Variants in GPR15 observed in about 807,000 individuals in gnomAD.
The protein encoded by GPR15 is brother of Bonzo.
In GPR15, 16 loss-of-function variants were observed where a neutral mutation model predicts 19.3. The observed-to-expected ratio is 0.83, with a 90% CI of 0.56 to 1.26. The LOEUF (loss-of-function observed/expected upper bound fraction) is 1.26. GPR15 is among the 50% of genes most tolerant of loss of function. The pLI is 0.00. For missense variants in GPR15, 458 were observed against 429.4 expected, an observed-to-expected ratio of 1.07 and a Z score of -0.59; for synonymous variants, 170 against 171.2, an observed-to-expected ratio of 0.99 and a Z score of 0.05.
Position 98,534,389 on chromosome 3 carries a change from T to C in GPR15, c.*1273T>C, listed in dbSNP as rs1415044498. On this transcript the variant is annotated 3_prime_UTR_variant, in exon 1 of 1. Coordinates refer to ENST00000284311, the MANE Select transcript of GPR15 (RefSeq NM_005290.4). ...AGCAAGCATGCTATTGTAAACATCT[T>C]TTGATTCAAGGGAAAGCGGGTTATG... 6.6e-6 allele frequency among the ~76,000 whole-genome samples: 1 copy of C among 152,234 alleles called. No homozygotes were observed. The highest frequency in any genetic ancestry group is 1.5e-5 in the Non-Finnish European group (1 of 68,026).
rs755310153 is a variant in GPR15, at chr3:98,532,237, C to A, written c.204C>A (p.Ile68=). ...TCAAACCCGGCAGCCGAAGACTGATCGACATCTTTATCATCAATCTGGCTG... is the reference window on the plus strand; with the variant it reads ...TCAAACCCGGCAGCCGAAGACTGATAGACATCTTTATCATCAATCTGGCTG... ...LHFKPGSRRL[I]DIFIINLAAS... Residue 68 remains isoleucine (I), a synonymous_variant, in exon 1 of 1, where the codon ATC becomes ATA. Coordinates refer to ENST00000284311, the MANE Select transcript of GPR15 (RefSeq NM_005290.4). The A allele has an allele frequency of 6.2e-7, 1 of 1,614,130 alleles. No homozygotes were observed. The highest frequency in any genetic ancestry group is 8.5e-7 in the Non-Finnish European group (1 of 1,180,030).
At position 98,532,038 on chromosome 3, in the gene GPR15, A is replaced by T; in HGVS notation, c.5A>T (p.Asp2Val). 1 of 1,605,630 alleles carries T rather than the reference A, an allele frequency of 6.2e-7. No homozygotes were observed. Among genetic ancestry groups the T allele is most frequent in the Non-Finnish European group, 8.5e-7 (1 of 1,173,972 alleles). ...TTTGGCATCTGCTCTTTGGTGATGG[A>T]CCCAGAAGAAACTTCAGTTTATTTG... M[D>V]PEETSVYLDY... Residue 2 changes from aspartate to valine, a missense_variant, in exon 1 of 1, where the codon GAC becomes GTC. By Grantham distance (152) the Asp-to-Val change is radical. Coordinates refer to ENST00000284311, the MANE Select transcript of GPR15 (RefSeq NM_005290.4).
At position 98,532,196 on chromosome 3, in the gene GPR15, A is replaced by G. The variant is rs1559660103; in HGVS notation, c.163A>G (p.Met55Val). Residue 55 changes from methionine to valine, a missense_variant, in exon 1 of 1, where the codon ATG becomes GTG. Coordinates refer to ENST00000284311, the MANE Select transcript of GPR15 (RefSeq NM_005290.4). ...LTGVLGNLVL[M>V]GALHFKPGSR... ...TGGAGTGCTGGGGAACCTTGTTCTCATGGGAGCGTTGCATTTCAAACCCGG... is the reference window on the plus strand; with the variant it reads ...TGGAGTGCTGGGGAACCTTGTTCTCGTGGGAGCGTTGCATTTCAAACCCGG... 3 of 1,614,100 alleles carry G rather than the reference A, an allele frequency of 1.9e-6. No homozygotes were observed. The highest frequency in any genetic ancestry group is 1.1e-5 in the South Asian group (1 of 91,062).
In GPR15 at chr3:98,533,761, G is replaced by A. The variant is rs550202847; in HGVS notation, c.*645G>A. Among the ~76,000 whole-genome samples, 1 of 152,060 alleles carries A rather than the reference G, an allele frequency of 6.6e-6. No individual in the cohort carries two copies. The highest frequency in any genetic ancestry group is 6.5e-5 in the Admixed American group (1 of 15,280). On this transcript the variant is annotated 3_prime_UTR_variant, in exon 1 of 1. Transcript: ENST00000284311. ...GATTTTGTATTGTGTTTATGATTTGGGACTTACTTTATCATATGGTCTTCT... is the reference window on the plus strand; with the variant it reads ...GATTTTGTATTGTGTTTATGATTTGAGACTTACTTTATCATATGGTCTTCT...
At position 98,534,487 on chromosome 3, in the gene GPR15, A is replaced by C. The variant is rs1706682661; in HGVS notation, c.*1371A>C. Among the ~76,000 whole-genome samples the C allele has an allele frequency of 6.6e-6, 1 of 152,158 alleles. No homozygotes were observed. The highest frequency in any genetic ancestry group is 2.1e-4 in the South Asian group (1 of 4,832). On this transcript the variant is annotated 3_prime_UTR_variant, in exon 1 of 1. Transcript: ENST00000284311. ...ATATTAGATTTGAAAATCAGAAAAAACTTAGAATCCTTTCAAAGACTAGCC... is the reference window on the plus strand; with the variant it reads ...ATATTAGATTTGAAAATCAGAAAAACCTTAGAATCCTTTCAAAGACTAGCC...
At position 98,532,674 on chromosome 3, in the gene GPR15, G is replaced by T. The variant is rs2107173378; in HGVS notation, c.641G>T (p.Cys214Phe). The change falls in exon 1 of 1, where the codon TGC becomes TTC. Residue 214 changes from cysteine (C) to phenylalanine (F), a missense_variant. Transcript: ENST00000284311. ...FFVPLLSIVT[C>F]YCCIARKLCA... The stretch of plus-strand genomic sequence containing the variant: ...GTCCCTTTGTTGAGCATTGTGACCT[G>T]CTACTGTTGCATTGCAAGGAAGCTG... The T allele has an allele frequency of 1.2e-6, 2 of 1,614,138 alleles. No homozygotes were observed. The highest frequency in any genetic ancestry group is 2.2e-5 in the South Asian group (2 of 91,072).
At position 98,532,969 on chromosome 3, in the gene GPR15, C is replaced by T; in HGVS notation, c.936C>T (p.Ala312=). Residue 312 remains alanine (A), a synonymous_variant, in exon 1 of 1, where the codon GCC becomes GCT. Transcript: ENST00000284311. ...YYIFDSYIRR[A]IVHCLCPCLK... ...TCTTCGACAGCTACATCCGCCGGGCCATTGTCCACTGCTTGTGCCCTTGCC... is the reference window on the plus strand; with the variant it reads ...TCTTCGACAGCTACATCCGCCGGGCTATTGTCCACTGCTTGTGCCCTTGCC... The T allele has an allele frequency of 6.2e-7, 1 of 1,614,084 alleles. No homozygotes were observed. Among genetic ancestry groups the T allele is most frequent in the Non-Finnish European group, 8.5e-7 (1 of 1,180,032 alleles).
In GPR15 at chr3:98,532,501, C is replaced by G. The variant is rs1461137449; in HGVS notation, c.468C>G (p.Ser156Arg). 6.2e-7 allele frequency: 1 copy of G among 1,614,176 alleles called. No individual in the cohort carries two copies. Residue 156 changes from serine (S) to arginine (R), a missense_variant, in exon 1 of 1, where the codon AGC (serine) becomes AGG (arginine). By Grantham distance (110) the Ser-to-Arg change is moderately radical (BLOSUM62 -1). Coordinates refer to ENST00000284311, the MANE Select transcript of GPR15 (RefSeq NM_005290.4). Reference protein sequence around the residue: ...RTDCAYVVCASIWFISCLLGL... With the variant: ...RTDCAYVVCARIWFISCLLGL... Reference sequence around the variant, plus strand: ...ACTGTGCATATGTAGTCTGTGCCAGCATCTGGTTTATCTCCTGCCTGCTGG... The same window carrying G: ...ACTGTGCATATGTAGTCTGTGCCAGGATCTGGTTTATCTCCTGCCTGCTGG...
chr3:98,532,962 G>T lies in GPR15; in HGVS notation c.929G>T (p.Arg310Leu), dbSNP rs755597974. 6 of 1,613,982 alleles carry T rather than the reference G, an allele frequency of 3.7e-6. No homozygotes were observed. In the South Asian group the frequency reaches 6.6e-5, roughly 18 times the overall value. ...TACTATATCTTCGACAGCTACATCC[G>T]CCGGGCCATTGTCCACTGCTTGTGC... The part of the protein sequence containing the change: ...FIYYIFDSYI[R>L]RAIVHCLCPC... The change falls in exon 1 of 1, where the codon CGC becomes CTC. Residue 310 changes from arginine to leucine, a missense_variant. Transcript: ENST00000284311.
rs1366339442 is a variant in GPR15 at position 98,532,840 on chromosome 3, G to T, written c.807G>T (p.Leu269Phe). 1.2e-6 allele frequency: 2 copies of T among 1,613,998 alleles called. No individual in the cohort carries two copies. Among genetic ancestry groups the T allele is most frequent in the Non-Finnish European group, 1.7e-6 (2 of 1,179,908 alleles). ...AGTTCCTGGCCATTGTCTCTGGGTT[G>T]CGGCAAGAACACTATTTACCCTCAG... Reference protein sequence around the residue: ...TFKFLAIVSGLRQEHYLPSAI... With the variant: ...TFKFLAIVSGFRQEHYLPSAI... The change falls in exon 1 of 1, where the codon TTG becomes TTT. Residue 269 changes from leucine (L) to phenylalanine (F), a missense_variant. Physicochemically the swap from Leu to Phe is conservative, Grantham distance 22. Coordinates refer to ENST00000284311, the MANE Select transcript of GPR15 (RefSeq NM_005290.4).
chr3:98,532,457 A>G lies in GPR15; in HGVS notation c.424A>G (p.Arg142Gly). ...GGCCATTGTGTGGCCAGTCGTATCCAGGAAATTCAGAAGGACAGACTGTGC... is the reference window on the plus strand; with the variant it reads ...GGCCATTGTGTGGCCAGTCGTATCCGGGAAATTCAGAAGGACAGACTGTGC... ...YLAIVWPVVS[R>G]KFRRTDCAYV... Residue 142 changes from arginine (R) to glycine (G), a missense_variant, in exon 1 of 1, where the codon AGG (arginine) becomes GGG (glycine). By Grantham distance (125) the Arg-to-Gly change is moderately radical. Coordinates refer to ENST00000284311, the MANE Select transcript of GPR15 (RefSeq NM_005290.4). The G allele has an allele frequency of 6.2e-7, 1 of 1,614,178 alleles. No individual in the cohort carries two copies. Among genetic ancestry groups the G allele is most frequent in the South Asian group, 1.1e-5 (1 of 91,078 alleles).
In GPR15 at chr3:98,533,731, A is replaced by C. The variant is rs1051485619; in HGVS notation, c.*615A>C. Among the ~76,000 whole-genome samples the C allele has an allele frequency of 6.6e-6, 1 of 152,144 alleles. No individual in the cohort carries two copies. The highest frequency in any genetic ancestry group is 2.1e-4 in the South Asian group (1 of 4,834). ...GCTTTGGACTGGCAAAAAAAAACTC[A>C]TGGGGATTTTGTATTGTGTTTATGA... On this transcript the variant is annotated 3_prime_UTR_variant, in exon 1 of 1. Coordinates refer to ENST00000284311, the MANE Select transcript of GPR15 (RefSeq NM_005290.4).
chr3:98,533,223 A>G lies in GPR15; in HGVS notation c.*107A>G. The G allele has an allele frequency of 8.2e-7, 1 of 1,224,150 alleles. No homozygotes were observed. The highest frequency in any genetic ancestry group is 1.1e-6 in the Non-Finnish European group (1 of 893,290). 75.8% of individuals were successfully genotyped at this position (1,224,150 alleles called of 1,614,324 possible). On this transcript the variant is annotated 3_prime_UTR_variant, in exon 1 of 1. Transcript: ENST00000284311. ...AGGATTCACATTGCTTCATAGATGC[A>G]AGGAAGAGTTCATTTTTAAAGAGAG...
rs1361719149 is a variant in GPR15 at position 98,532,974 on chromosome 3, T to C, written c.941T>C (p.Val314Ala). ...IFDSYIRRAI[V>A]HCLCPCLKNY... ...GACAGCTACATCCGCCGGGCCATTG[T>C]CCACTGCTTGTGCCCTTGCCTGAAA... The change falls in exon 1 of 1, where the codon GTC (valine) becomes GCC (alanine). Residue 314 changes from valine to alanine, a missense_variant. Coordinates refer to ENST00000284311, the MANE Select transcript of GPR15 (RefSeq NM_005290.4). 1 of 1,613,990 alleles carries C rather than the reference T, an allele frequency of 6.2e-7. No individual in the cohort carries two copies. Among genetic ancestry groups the C allele is most frequent in the Non-Finnish European group, 8.5e-7 (1 of 1,180,040 alleles).
Position 98,532,738 on chromosome 3 carries a change from G to T in GPR15, c.705G>T (p.Lys235Asn), listed in dbSNP as rs1706657538. 6.2e-7 allele frequency: 1 copy of T among 1,613,892 alleles called. No homozygotes were observed. Among genetic ancestry groups the T allele is most frequent in the South Asian group, 1.1e-5 (1 of 91,084 alleles). Residue 235 changes from lysine to asparagine, a missense_variant, in exon 1 of 1, where the codon AAG becomes AAT. Transcript: ENST00000284311. ...AGCAATCAGGAAAGCACAACAAAAAGCTGAAGAAATCTATAAAGATCATCT... is the reference window on the plus strand; with the variant it reads ...AGCAATCAGGAAAGCACAACAAAAATCTGAAGAAATCTATAAAGATCATCT... ...HYQQSGKHNK[K>N]LKKSIKIIFI...
chr3:98,532,654 T>C lies in GPR15; in HGVS notation c.621T>C (p.Pro207=). The C allele has an allele frequency of 6.2e-7, 1 of 1,614,190 alleles. No homozygotes were observed. ...CCTTAATTTTCACCTTTTTTGTCCC[T>C]TTGTTGAGCATTGTGACCTGCTACT... ...LVALIFTFFV[P]LLSIVTCYCC... Residue 207 remains proline (P), a synonymous_variant, in exon 1 of 1, where the codon CCT becomes CCC. Coordinates refer to ENST00000284311, the MANE Select transcript of GPR15 (RefSeq NM_005290.4).
rs564357301 is a variant in GPR15, at chr3:98,532,870, T to C, written c.837T>C (p.Ile279=). Residue 279 remains isoleucine (I), a synonymous_variant, in exon 1 of 1, where the codon ATT becomes ATC. Coordinates refer to ENST00000284311, the MANE Select transcript of GPR15 (RefSeq NM_005290.4). ...AAGAACACTATTTACCCTCAGCTATTCTTCAGCTTGGTATGGAGGTGAGTG... is the reference window on the plus strand; with the variant it reads ...AAGAACACTATTTACCCTCAGCTATCCTTCAGCTTGGTATGGAGGTGAGTG... ...LRQEHYLPSA[I]LQLGMEVSGP... is the part of the protein sequence containing the mutation. 453 of 1,614,144 alleles carry C rather than the reference T, an allele frequency of 2.8e-4. 9 individuals carry two copies. In the South Asian group the frequency reaches 4.2e-3, roughly 15 times the overall value.
chr3:98,532,863 C>G lies in GPR15; in HGVS notation c.830C>G (p.Ser277Ter). ...TTGCGGCAAGAACACTATTTACCCT[C>G]AGCTATTCTTCAGCTTGGTATGGAG... ...SGLRQEHYLP[S>*]AILQLGMEVS... Residue 277 changes from serine to a stop codon, truncating the protein, a stop_gained, in exon 1 of 1, where the codon TCA becomes TGA. Coordinates refer to ENST00000284311, the MANE Select transcript of GPR15 (RefSeq NM_005290.4). LOFTEE classifies it high-confidence loss of function. 1 of 1,614,138 alleles carries G rather than the reference C, an allele frequency of 6.2e-7. No individual in the cohort carries two copies. The highest frequency in any genetic ancestry group is 8.5e-7 in the Non-Finnish European group (1 of 1,180,002).
At position 98,532,026 on chromosome 3, in the gene GPR15, C is replaced by T; in HGVS notation, c.-8C>T. On this transcript the variant is annotated 5_prime_UTR_variant, in exon 1 of 1. Coordinates refer to ENST00000284311, the MANE Select transcript of GPR15 (RefSeq NM_005290.4). ...AAACTCACCAGATTTGGCATCTGCT[C>T]TTTGGTGATGGACCCAGAAGAAACT... is the stretch of plus-strand genomic sequence containing the variant. 2 of 1,596,960 alleles carry T rather than the reference C, an allele frequency of 1.3e-6. No individual in the cohort carries two copies. The highest frequency in any genetic ancestry group is 1.7e-6 in the Non-Finnish European group (2 of 1,169,830).
Sources: allele counts gnomAD v4.1 joint callset (sites outside exome capture counted in the v4.1 genomes callset), GRCh38; gene constraint gnomAD v4.1.1; transcripts MANE v1.5; gene names NCBI Gene and HGNC (gene_info 2026-07-23, HGNC 2026-07-21).